The following LRP1B variants were observed in gnomAD, a reference collection of about 807,000 sequenced individuals.
The protein encoded by LRP1B is LDL receptor related protein 1B.
Under a neutral mutation model 556.6 loss-of-function variants are expected in LRP1B, and 217 were observed. The ratio of observed to expected loss-of-function variants is 0.39; its 90% CI spans 0.35 to 0.44. The LOEUF is 0.44. LRP1B is among the 20% of genes least tolerant of loss of function. The pLI, the probability that LRP1B is intolerant of heterozygous loss-of-function variation, is 1.00. For missense variants in LRP1B, 5,053 were observed against 5,620.8 expected (o/e 0.90, Z 3.23); for synonymous variants, 2,047 against 1,865.8 (o/e 1.10, Z -2.50).
chr2:141,109,712 A>C (rs1176843027), intron 7 of LRP1B, among the ~76,000 whole-genome samples: 1 of 152,164 alleles, frequency 6.6e-6, no homozygotes, highest in Non-Finnish European at 1.5e-5. Flanking sequence ...AAAGATCAGA[A>C]AAAAAGGAAA....
chr2:140,702,286 T>C lies in LRP1B; in HGVS notation c.6157A>G (p.Lys2053Glu). The change falls in exon 39 of 91, where the codon AAA becomes GAA. Residue 2053 changes from lysine to glutamate, a missense_variant. By Grantham distance (56) the Lys-to-Glu change is moderately conservative. Coordinates refer to ENST00000389484, the MANE Select transcript of LRP1B (RefSeq NM_018557.3). The stretch of plus-strand genomic sequence containing the variant: ...GTGCGAGCATCACACCAGTACAATT[T>C]ATTTTCCTAAATATCGATTAAGAAG... ...NGISIDYEEN[K>E]LYWCDARTDK... The C allele has an allele frequency of 6.2e-7, 1 of 1,613,200 alleles. No homozygotes were observed. Among genetic ancestry groups the C allele is most frequent in the Non-Finnish European group, 8.5e-7 (1 of 1,179,604 alleles).
At chr2:140,975,457 G>A (rs1045446016) in intron 18 of LRP1B, among the ~76,000 whole-genome samples, 3 of 92,450 alleles carry the variant, frequency 3.2e-5, no homozygotes, top group Non-Finnish European at 7.4e-5. Context: ...TTTCCTCCAT[G>A]TCTCCTCTCT....
intron 35 of LRP1B, among the ~76,000 whole-genome samples, chr2:140,762,202 G>T (rs969279920): frequency 3.9e-5 from 6 of 152,080 alleles, no homozygotes; most frequent in African/African-American, 1.2e-4. Flanking sequence ...ATCAAATGTG[G>T]ATTATGTCAC....
chr2:141,254,775 AT>A (rs3833564), intron 3 of LRP1B, 134 bp from the exon 4 acceptor site: 125,953 of 583,728 alleles, frequency 0.22, 14,099 homozygotes, highest in South Asian at 0.25. Context: ...CTAGAAAAAA[AT>A]ATTTACCTAA....
intron 2 of LRP1B, among the ~76,000 whole-genome samples, chr2:141,789,734 A>G (rs1317106358): frequency 6.6e-6 from 1 of 152,006 alleles, no homozygotes; most frequent in East Asian, 1.9e-4. Context: ...CTCATGTGGT[A>G]GTATTGGTAA....
At chr2:141,894,446 T>C (rs1319571610) in intron 1 of LRP1B, among the ~76,000 whole-genome samples, 1 of 151,888 alleles carries the variant, frequency 6.6e-6, no homozygotes, top group South Asian at 2.1e-4. Context: ...CTTGCAGGGC[T>C]TTTCAAATAA....
At chr2:141,278,805 C>T (rs962915059) in intron 3 of LRP1B, among the ~76,000 whole-genome samples, 1 of 152,096 alleles carries the variant, frequency 6.6e-6, no homozygotes, top group East Asian at 1.9e-4. Flanking sequence ...GGTAAAATAT[C>T]CAGGGAAGGC....
chr2:141,576,135 C>T (rs779075255), intron 2 of LRP1B, among the ~76,000 whole-genome samples: 6 of 152,184 alleles, frequency 3.9e-5, no homozygotes, highest in Non-Finnish European at 8.8e-5. Context: ...TATAAAGACA[C>T]ATGCACACAT....
intron 3 of LRP1B, among the ~76,000 whole-genome samples, chr2:141,419,654 C>CT (rs1246288986): frequency 1.5e-4 from 23 of 151,978 alleles, no homozygotes; most frequent in Non-Finnish European, 3.1e-4. Context: ...AGTCTTCTCT[C>CT]TTTTTTCTTA....
intron 58 of LRP1B, among the ~76,000 whole-genome samples, chr2:140,486,359 A>T (rs1276586890): frequency 6.6e-6 from 1 of 152,042 alleles, no homozygotes; most frequent in Non-Finnish European, 1.5e-5. Context: ...AATAAATGAT[A>T]TCAATCTCCT....
intron 1 of LRP1B, among the ~76,000 whole-genome samples, chr2:142,129,278 TG>T (rs1222020965): frequency 6.6e-6 from 1 of 152,178 alleles, no homozygotes; most frequent in East Asian, 1.9e-4. Flanking sequence ...TCAGAAGCTA[TG>T]GTTAGGTGGC....
intron 59 of LRP1B, among the ~76,000 whole-genome samples, chr2:140,478,002 T>C (rs1261170415): frequency 1.3e-5 from 2 of 152,134 alleles, no homozygotes; most frequent in African/African-American, 4.8e-5. Context: ...TAATTTTACC[T>C]AGATGGAGGA....
At chr2:141,840,300 G>C (rs1193594897) in intron 1 of LRP1B, among the ~76,000 whole-genome samples, 1 of 109,728 alleles carries the variant, frequency 9.1e-6, no homozygotes, top group East Asian at 2.7e-4. Context: ...ATCTCGCTCT[G>C]TCGCCCACGC....
intron 2 of LRP1B, among the ~76,000 whole-genome samples, chr2:141,650,050 T>C (rs1039478572): frequency 2.6e-5 from 4 of 152,048 alleles, no homozygotes; most frequent in African/African-American, 9.7e-5. Context: ...CATGGTGGCA[T>C]GTGCCTGTAA....
chr2:140,684,165 T>G (rs568166443), intron 41 of LRP1B, among the ~76,000 whole-genome samples: 1 of 152,342 alleles, frequency 6.6e-6, no homozygotes, highest in Admixed American at 6.5e-5. Flanking sequence ...TGAGAGGTAT[T>G]TAATCAATTA....
At chr2:140,269,312 A>C (rs1024311148) in intron 86 of LRP1B, 3 of 470,970 alleles carry the variant, frequency 6.4e-6, no homozygotes, top group Non-Finnish European at 1.3e-5. Context: ...AAATCCCCTC[A>C]TTCTGACAGT....
At chr2:141,515,642 T>C (rs186555084) in intron 2 of LRP1B, among the ~76,000 whole-genome samples, 203 of 152,312 alleles carry the variant, frequency 1.3e-3, no homozygotes, top group Non-Finnish European at 2.1e-3. Flanking sequence ...CAGTAAATTT[T>C]TACTGGGGCT....
At chr2:141,885,457 C>T (rs1185948308) in intron 1 of LRP1B, among the ~76,000 whole-genome samples, 1 of 151,838 alleles carries the variant, frequency 6.6e-6, no homozygotes, top group African/African-American at 2.4e-5. Flanking sequence ...TTGTAAGCAA[C>T]TGATGGAGTC....
At chr2:142,047,714 G>A (rs1053346834) in intron 1 of LRP1B, among the ~76,000 whole-genome samples, 8 of 151,782 alleles carry the variant, frequency 5.3e-5, no homozygotes, top group African/African-American at 1.7e-4. Context: ...GTGAGTGGAC[G>A]TGATGCATAA....
Sources: allele counts gnomAD v4.1 joint callset (sites outside exome capture counted in the v4.1 genomes callset), GRCh38; gene constraint gnomAD v4.1.1; transcripts MANE v1.5; gene names NCBI Gene and HGNC (gene_info 2026-07-23, HGNC 2026-07-21).